Variants in MFSD8 observed in about 807,000 individuals in gnomAD.
MFSD8 encodes the protein major facilitator superfamily domain-containing protein 8.
MFSD8 carries 55 observed loss-of-function variants against 66.4 expected under a neutral mutation model. The observed-to-expected ratio is 0.83, with a 90% confidence interval of 0.67 to 1.04. The LOEUF (loss-of-function observed/expected upper bound fraction) is 1.04. Ranked by LOEUF, MFSD8 falls within the 50% of genes least tolerant of loss-of-function variation. MFSD8 has a pLI of 0.00. For missense variants in MFSD8, 550 were observed against 627.6 expected, an observed-to-expected ratio of 0.88 and a Z score of 1.32; for synonymous variants, 202 against 212.8, an observed-to-expected ratio of 0.95 and a Z score of 0.44.
chr4:127,949,925 C>T, intron 2 of MFSD8, 78 bp from the exon 3 acceptor site: 1 of 1,314,270 alleles, frequency 7.6e-7, no homozygotes, highest in Non-Finnish European at 1.1e-6. Flanking sequence ...TGAACCGTGG[C>T]ATGGATTTTA....
chr4:127,960,197 T>C (rs1657280818), intron 1 of MFSD8, among the ~76,000 whole-genome samples: 1 of 152,088 alleles, frequency 6.6e-6, no homozygotes, highest in African/African-American at 2.4e-5. Flanking sequence ...GAATACACAA[T>C]ATAGTGGAGT....
At chr4:127,933,266 A>T (rs762918958) in intron 7 of MFSD8, 173 bp from the exon 8 acceptor site, 4 of 531,964 alleles carry the variant, frequency 7.5e-6, no homozygotes, top group Non-Finnish European at 1.4e-5. Context: ...ATTTTTTGAG[A>T]CAGGGTCTCA....
At position 127,928,215 on chromosome 4, in the gene MFSD8, T is replaced by C. The variant is rs946316018; in HGVS notation, c.998+2468A>G. ...TACACGCACATGCCACCACACCCTC[T>C]ATTTTTAGTAGAAAAATTTTTTTGT... On this transcript the variant is annotated intron_variant, in intron 9 of 11. Transcript: ENST00000641686. 1.8e-3 allele frequency among the ~76,000 whole-genome samples: 279 copies of C among 152,176 alleles called. 1 individual carries two copies. The highest frequency in any genetic ancestry group is 6.6e-3 in the African/African-American group (273 of 41,526).
At position 127,921,604 on chromosome 4, in the gene MFSD8, C is replaced by T. The variant is rs910297451; in HGVS notation, c.1270G>A (p.Val424Met). 2.4e-5 allele frequency: 38 copies of T among 1,614,054 alleles called. No individual in the cohort carries two copies. The highest frequency in any genetic ancestry group is 3.2e-5 in the Non-Finnish European group (38 of 1,180,038). ...IHLAQFLTSA[V>M]LIGLGYPVCN... ...ACTGGATAGCCTAATCCTATTAGCA[C>T]AGCTGATGTAAGGAACTGGGCCAGA... The change falls in exon 11 of 12, where the codon GTG becomes ATG. Residue 424 changes from valine (V) to methionine (M), a missense_variant. Val to Met is a conservative substitution (Grantham distance 21). Coordinates refer to ENST00000641686, the MANE Select transcript of MFSD8 (RefSeq NM_001371596.2).
chr4:127,942,508 C>T (rs1370927857), intron 4 of MFSD8, among the ~76,000 whole-genome samples: 1 of 151,804 alleles, frequency 6.6e-6, no homozygotes, highest in African/African-American at 2.4e-5. Context: ...CCAGCCTGGC[C>T]AACACGGTGA....
At chr4:127,942,239 A>G in intron 4 of MFSD8, 81 bp from the exon 5 acceptor site, 7 of 1,074,888 alleles carry the variant, frequency 6.5e-6, no homozygotes, top group Non-Finnish European at 1.0e-5. Flanking sequence ...GACTTTATAC[A>G]GAAGAAGAAA....
chr4:127,941,370 A>G (rs990011514), intron 5 of MFSD8, among the ~76,000 whole-genome samples: 2 of 152,160 alleles, frequency 1.3e-5, no homozygotes, highest in African/African-American at 2.4e-5. Flanking sequence ...CAAAATATGG[A>G]CCAATTATAT....
intron 1 of MFSD8, among the ~76,000 whole-genome samples, chr4:127,964,435 G>A (rs1411348012): frequency 2.0e-5 from 3 of 152,254 alleles, no homozygotes; most frequent in Non-Finnish European, 4.4e-5. Flanking sequence ...CAGTGGGCTG[G>A]CACTGCTGGG....
chr4:127,927,918 C>T (rs550423747), intron 9 of MFSD8, among the ~76,000 whole-genome samples: 6 of 152,242 alleles, frequency 3.9e-5, no homozygotes, highest in Admixed American at 3.3e-4. Context: ...GATAAGATCT[C>T]ACTATGTTGC....
intron 9 of MFSD8, among the ~76,000 whole-genome samples, chr4:127,924,217 T>C (rs1302964828): frequency 6.6e-6 from 1 of 152,168 alleles, no homozygotes; most frequent in African/African-American, 2.4e-5. Context: ...TGGTTTAGTC[T>C]TGGGAGGGTG....
Position 127,957,207 on chromosome 4 carries a change from T to C in MFSD8, c.154+294A>G, listed in dbSNP as rs71612152. Among the ~76,000 whole-genome samples the C allele has an allele frequency of 2.4e-3, 372 of 152,270 alleles. 2 individuals are homozygous for C. Among genetic ancestry groups the C allele is most frequent in the Non-Finnish European group, 3.1e-3 (208 of 68,008 alleles). On this transcript the variant is annotated intron_variant, in intron 2 of 11. Transcript: ENST00000641686. ...CATTTATATGAGCTATCTAGAATAG[T>C]CAAATTCCAAGAAACAAAGTTTGCT...
Position 127,920,843 on chromosome 4 carries a change from G to C in MFSD8, c.1351-7C>G, listed in dbSNP as rs749064799. On this transcript the variant is annotated splice_region_variant and splice_polypyrimidine_tract_variant and intron_variant, in intron 11 of 11. Transcript: ENST00000641686. ...ACCAGCCCATGTATACACCCTGTTGGGGGTGAAATGGAGGACAAGCAGATT... is the reference window on the plus strand; with the variant it reads ...ACCAGCCCATGTATACACCCTGTTGCGGGTGAAATGGAGGACAAGCAGATT... 3 of 1,612,644 alleles carry C rather than the reference G, an allele frequency of 1.9e-6. No individual in the cohort carries two copies. Among genetic ancestry groups the C allele is most frequent in the Admixed American group, 3.3e-5 (2 of 59,712 alleles).
intron 8 of MFSD8, among the ~76,000 whole-genome samples, chr4:127,932,015 G>A (rs1410037432): frequency 1.3e-5 from 2 of 152,160 alleles, no homozygotes; most frequent in Non-Finnish European, 2.9e-5. Flanking sequence ...GAGGGCTGAG[G>A]CTGGAAGGTC....
intron 9 of MFSD8, among the ~76,000 whole-genome samples, chr4:127,928,814 C>T (rs915941545): frequency 6.6e-6 from 1 of 151,968 alleles, no homozygotes; most frequent in Non-Finnish European, 1.5e-5. Flanking sequence ...ACACTATTCA[C>T]AATAGTCAAA....
At chr4:127,931,559 T>C (rs1156826249) in intron 8 of MFSD8, among the ~76,000 whole-genome samples, 1 of 152,110 alleles carries the variant, frequency 6.6e-6, no homozygotes, top group Non-Finnish European at 1.5e-5. Context: ...GGTTTCACCA[T>C]ATGGCCAGGC....
intron 1 of MFSD8, among the ~76,000 whole-genome samples, chr4:127,961,757 C>T (rs1743794438): frequency 7.2e-6 from 1 of 138,758 alleles, no homozygotes; most frequent in Non-Finnish European, 1.5e-5. Flanking sequence ...GGAGGCGGAG[C>T]TTGCAGTGAG....
At chr4:127,938,602 AATAAATAAAT>A (rs1739536722) in intron 7 of MFSD8, among the ~76,000 whole-genome samples, 171 bp downstream of exon 7, 7 of 136,566 alleles carry the variant, frequency 5.1e-5, no homozygotes, top group Admixed American at 2.2e-4. Flanking sequence ...AAAATAAATA[AATAAATAAAT>A]AAATAAATAA....
At chr4:127,947,094 T>C (rs897107474) in intron 3 of MFSD8, among the ~76,000 whole-genome samples, 1 of 151,550 alleles carries the variant, frequency 6.6e-6, no homozygotes, top group Admixed American at 6.6e-5. Flanking sequence ...TGAGGGACAG[T>C]GAGAGAAGCC....
At chr4:127,925,607 G>A (rs1737068818) in intron 9 of MFSD8, among the ~76,000 whole-genome samples, 1 of 152,222 alleles carries the variant, frequency 6.6e-6, no homozygotes, top group Non-Finnish European at 1.5e-5. Context: ...TGGAGAGGAT[G>A]TGGAGAAATA....
Sources: allele counts gnomAD v4.1 joint callset (sites outside exome capture counted in the v4.1 genomes callset), GRCh38; gene constraint gnomAD v4.1.1; transcripts MANE v1.5; gene names NCBI Gene and HGNC (gene_info 2026-07-23, HGNC 2026-07-21).